The following STIM2 variants were observed in gnomAD, a reference collection of about 807,000 sequenced individuals.
STIM2 encodes the protein stromal interaction molecule 2.
Under a neutral mutation model 85.8 loss-of-function variants are expected in STIM2, and 31 were observed. That is an observed-to-expected ratio of 0.36 (90% confidence interval 0.27 to 0.49). The LOEUF is 0.49. Ranked by LOEUF, STIM2 falls within the 20% of genes least tolerant of loss-of-function variation. STIM2 has a pLI of 0.98. For missense variants in STIM2, 841 were observed against 927.6 expected, an observed-to-expected ratio of 0.91 and a Z score of 1.21; for synonymous variants, 356 against 331.1, an observed-to-expected ratio of 1.08 and a Z score of -0.82.
chr4:27,003,076 G>T lies in STIM2; in HGVS notation c.953G>T (p.Arg318Leu). The change falls in exon 7 of 12, where the codon CGT becomes CTT. Residue 318 changes from arginine (R) to leucine (L), a missense_variant. Physicochemically the swap from Arg to Leu is moderately radical, Grantham distance 102 (BLOSUM62 -2). This residue lies in a region of STIM2 where 408 missense variants were observed against 525.4 expected (regional missense o/e 0.78). Transcript: ENST00000467087. ...GGAGCTGAATGTGAATTGAGTAGAC[G>T]TCAGTATGCAGAACAGGAATTGGAA... 6.3e-7 allele frequency: 1 copy of T among 1,588,956 alleles called. No homozygotes were observed.
At chr4:27,006,455 GC>G (rs973795185) in intron 7 of STIM2, among the ~76,000 whole-genome samples, 3 of 152,188 alleles carry the variant, frequency 2.0e-5, no homozygotes, top group African/African-American at 7.2e-5. Context: ...GCGGGGTGGT[GC>G]TCGACACGCA....
At chr4:26,884,776 A>G (rs1285352383) in intron 1 of STIM2, among the ~76,000 whole-genome samples, 1 of 152,208 alleles carries the variant, frequency 6.6e-6, no homozygotes, top group South Asian at 2.1e-4. Context: ...AATGCTTCAC[A>G]TGAAATAACT....
intron 1 of STIM2, among the ~76,000 whole-genome samples, chr4:26,887,979 C>T (rs577502612): frequency 3.9e-5 from 6 of 152,270 alleles, no homozygotes; most frequent in South Asian, 2.1e-4. Flanking sequence ...ATGCTGCAGT[C>T]GTGGGGCAGA....
In STIM2 at chr4:26,919,612, T is replaced by A; in HGVS notation, c.260T>A (p.Ile87Asn). The A allele has an allele frequency of 6.2e-7, 1 of 1,613,676 alleles. No individual in the cohort carries two copies. Among genetic ancestry groups the A allele is most frequent in the Non-Finnish European group, 8.5e-7 (1 of 1,179,720 alleles). Residue 87 changes from isoleucine to asparagine, a missense_variant, in exon 2 of 12, where the codon ATT becomes AAT. Coordinates refer to ENST00000467087, the MANE Select transcript of STIM2 (RefSeq NM_020860.4). The stretch of plus-strand genomic sequence containing the variant: ...ATGGATGATGACAAAGATGGTGGAA[T>A]TGAAGTAGAGGAAAGTGATGAAGTA...
chr4:26,981,606 A>G (rs1233377411), intron 3 of STIM2, among the ~76,000 whole-genome samples: 1 of 152,184 alleles, frequency 6.6e-6, no homozygotes, highest in Non-Finnish European at 1.5e-5. Flanking sequence ...TTTTATAGCC[A>G]AAGGATGCAG....
chr4:26,927,705 A>C (rs1012007292), intron 2 of STIM2, among the ~76,000 whole-genome samples: 3 of 125,900 alleles, frequency 2.4e-5, no homozygotes, highest in Non-Finnish European at 4.8e-5. Flanking sequence ...AAAAAAAAAA[A>C]AACTTGAATA....
At chr4:26,966,225 C>T (rs534669586) in intron 3 of STIM2, among the ~76,000 whole-genome samples, 1 of 152,206 alleles carries the variant, frequency 6.6e-6, no homozygotes, top group Admixed American at 6.5e-5. Flanking sequence ...TCATATTGTC[C>T]TTTCTACCCT....
At chr4:27,018,018 G>A (rs1337935346) in intron 11 of STIM2, 34 bp downstream of exon 11, 2 of 1,607,302 alleles carry the variant, frequency 1.2e-6, no homozygotes, top group East Asian at 2.2e-5. Flanking sequence ...GGGCATGTTG[G>A]GGCTGGGTTG....
chr4:26,947,645 A>AC (rs1476310376), intron 2 of STIM2, among the ~76,000 whole-genome samples: 3 of 152,118 alleles, frequency 2.0e-5, no homozygotes, highest in East Asian at 1.9e-4. Flanking sequence ...AACACGTGAG[A>AC]CCCCATCTTC....
At chr4:26,999,732 C>G (rs1218630325) in intron 5 of STIM2, among the ~76,000 whole-genome samples, 1 of 152,008 alleles carries the variant, frequency 6.6e-6, no homozygotes, top group East Asian at 1.9e-4. Flanking sequence ...GCAATAGAGC[C>G]TAACAGTTTT....
intron 3 of STIM2, among the ~76,000 whole-genome samples, chr4:26,976,862 G>A (rs1057018908): frequency 6.6e-6 from 1 of 152,168 alleles, no homozygotes; most frequent in Non-Finnish European, 1.5e-5. Context: ...TCTAGGCTTT[G>A]GGGATAGAGC....
intron 2 of STIM2, among the ~76,000 whole-genome samples, chr4:26,932,301 C>A (rs1006105678): frequency 2.0e-5 from 3 of 152,198 alleles, no homozygotes; most frequent in Non-Finnish European, 4.4e-5. Context: ...GTCTGTTTGA[C>A]AAGGAACTTT....
intron 1 of STIM2, among the ~76,000 whole-genome samples, chr4:26,902,148 A>G (rs1215350653): frequency 1.3e-5 from 2 of 152,124 alleles, no homozygotes; most frequent in Non-Finnish European, 2.9e-5. Flanking sequence ...GTAAAGGGGA[A>G]TACAATGTAG....
chr4:26,929,911 G>T (rs1336273920), intron 2 of STIM2, among the ~76,000 whole-genome samples: 1 of 152,088 alleles, frequency 6.6e-6, no homozygotes, highest in East Asian at 1.9e-4. Context: ...TCTATAGGGT[G>T]GCAGGCAAAG....
chr4:27,002,312 T>G lies in STIM2; in HGVS notation c.721T>G (p.Ser241Ala), dbSNP rs1189169289. 6.2e-7 allele frequency: 1 copy of G among 1,613,588 alleles called. No homozygotes were observed. Among genetic ancestry groups the G allele is most frequent in the Admixed American group, 1.7e-5 (1 of 60,000 alleles). Residue 241 changes from serine (S) to alanine (A), a missense_variant, in exon 6 of 12, where the codon TCA (serine) becomes GCA (alanine). This residue lies in a region of STIM2 where 408 missense variants were observed against 525.4 expected (regional missense o/e 0.78). Coordinates refer to ENST00000467087, the MANE Select transcript of STIM2 (RefSeq NM_020860.4). ...GTTTGCTTATACGCAGAATAAGACA[T>G]CAAAAGAACATGTTGCAAAAATGAT...
At chr4:26,947,661 C>T (rs140752881) in intron 2 of STIM2, among the ~76,000 whole-genome samples, 3 of 152,298 alleles carry the variant, frequency 2.0e-5, no homozygotes, top group African/African-American at 7.2e-5. Flanking sequence ...TCTTCCTGCT[C>T]GCCAGCCCTA....
chr4:27,011,588 C>T (rs541422153), intron 10 of STIM2, among the ~76,000 whole-genome samples: 2 of 152,096 alleles, frequency 1.3e-5, no homozygotes, highest in African/African-American at 4.8e-5. Flanking sequence ...TATAAGGGTG[C>T]CTGTGTGCCT....
intron 1 of STIM2, among the ~76,000 whole-genome samples, chr4:26,880,077 T>C (rs1722947703): frequency 6.6e-6 from 1 of 152,210 alleles, no homozygotes; most frequent in Admixed American, 6.5e-5. Context: ...GTAATTATGA[T>C]AGAATAGAAA....
At chr4:26,862,106 G>A (rs1398126961) in intron 1 of STIM2, among the ~76,000 whole-genome samples, 1 of 152,116 alleles carries the variant, frequency 6.6e-6, no homozygotes, top group African/African-American at 2.4e-5. Flanking sequence ...GCACAGTTCT[G>A]ATAGACTGCA....
Sources: gnomAD v4.1 joint callset for allele counts (sites outside exome capture counted in the v4.1 genomes callset) on GRCh38, gnomAD v4.1.1 for gene constraint, gnomAD v4.1.1 regional missense constraint, MANE v1.5 for transcripts, NCBI Gene and HGNC (gene_info 2026-07-23, HGNC 2026-07-21) for gene names.